Variants in B3GLCT observed in about 807,000 individuals in gnomAD.
B3GLCT encodes beta 3-glucosyltransferase.
B3GLCT carries 65 observed loss-of-function variants against 63.4 expected under a neutral mutation model. That is an observed-to-expected ratio of 1.03 (90% CI 0.84 to 1.26). The LOEUF (loss-of-function observed/expected upper bound fraction) is 1.26. Among genes scored for constraint, B3GLCT ranks in the 50% most tolerant of loss-of-function variants. The pLI, the probability that B3GLCT is intolerant of heterozygous loss-of-function variation, is 0.00. For synonymous variants in B3GLCT, 233 were observed against 219.2 expected, an observed-to-expected ratio of 1.06 and a Z score of -0.55; for missense variants, 577 against 604.8, an observed-to-expected ratio of 0.95 and a Z score of 0.48.
At chr13:31,229,329 G>A (rs1384868694) in intron 4 of B3GLCT, 35 bp downstream of exon 4, 1 of 1,265,868 alleles carries the variant, frequency 7.9e-7, no homozygotes, top group East Asian at 2.3e-5. Context: ...TGCCAGTTAT[G>A]TATTTCTTGA....
At chr13:31,275,223 C>T (rs1455813002) in intron 9 of B3GLCT, among the ~76,000 whole-genome samples, 1 of 152,180 alleles carries the variant, frequency 6.6e-6, no homozygotes, top group Admixed American at 6.5e-5. Context: ...TATATCATGA[C>T]TCTAGTAATA....
chr13:31,206,393 C>T (rs1048198688), intron 1 of B3GLCT, among the ~76,000 whole-genome samples: 7 of 152,040 alleles, frequency 4.6e-5, no homozygotes, highest in Non-Finnish European at 7.4e-5. Flanking sequence ...ACCATAGGCC[C>T]GGATATAAAC....
chr13:31,323,607 T>A (rs9574138), intron 13 of B3GLCT, 144 bp from the exon 14 acceptor site: 2 of 903,000 alleles, frequency 2.2e-6, no homozygotes, highest in East Asian at 2.4e-5. Context: ...ACAGGTAGGG[T>A]TTTACCTAGA....
intron 8 of B3GLCT, 99 bp from the exon 9 acceptor site, chr13:31,274,410 T>A (rs1297296442): frequency 6.8e-7 from 1 of 1,476,120 alleles, no homozygotes; most frequent in East Asian, 2.3e-5. Flanking sequence ...CTACTCTCTA[T>A]GGAAGATGTG....
intron 1 of B3GLCT, among the ~76,000 whole-genome samples, chr13:31,209,947 C>T (rs1052414335): frequency 6.6e-6 from 1 of 152,192 alleles, no homozygotes; most frequent in Non-Finnish European, 1.5e-5. Context: ...AATCATCTTT[C>T]CTGCGTGGGA....
chr13:31,259,838 T>C (rs1395348809), intron 6 of B3GLCT, among the ~76,000 whole-genome samples: 1 of 151,964 alleles, frequency 6.6e-6, no homozygotes, highest in African/African-American at 2.4e-5. Flanking sequence ...TTTTTTTTAA[T>C]TTTATTATTA....
chr13:31,266,249 T>C lies in B3GLCT; in HGVS notation c.597-2965T>C, dbSNP rs149446259. On this transcript the variant is annotated intron_variant, in intron 7 of 14. Transcript: ENST00000343307. ...TCCTGACCTCATGTTTTGCCCGCCTTGGCCTCCCAACCTCGTGATCCGCCC... is the reference window on the plus strand; with the variant it reads ...TCCTGACCTCATGTTTTGCCCGCCTCGGCCTCCCAACCTCGTGATCCGCCC... 8.2e-3 allele frequency among the ~76,000 whole-genome samples: 1,247 copies of C among 152,102 alleles called. 15 individuals are homozygous for C. Among genetic ancestry groups the C allele is most frequent in the African/African-American group, 0.026 (1,085 of 41,518 alleles).
intron 4 of B3GLCT, among the ~76,000 whole-genome samples, chr13:31,236,051 C>T (rs1593263547): frequency 2.0e-5 from 3 of 152,212 alleles, no homozygotes; most frequent in Non-Finnish European, 4.4e-5. Context: ...CTTGGATGCT[C>T]ATTTGGCATT....
rs1330896629 is a variant in B3GLCT, at chr13:31,229,296, T to A, written c.270+2T>A. The A allele has an allele frequency of 6.4e-7, 1 of 1,551,398 alleles. No homozygotes were observed. The highest frequency in any genetic ancestry group is 8.9e-7 in the Non-Finnish European group (1 of 1,122,696). ...AAGCAGGCTGCAGATCTTACACAGG[T>A]ACGTAGCGATGGCTGGGGGGTCTGC... On this transcript the variant is annotated splice_donor_variant, in intron 4 of 14. Coordinates refer to ENST00000343307, the MANE Select transcript of B3GLCT (RefSeq NM_194318.4). LOFTEE classifies it high-confidence loss of function.
Position 31,213,122 on chromosome 13 carries a change from G to A in B3GLCT, c.71-1929G>A, listed in dbSNP as rs189962271. ...AAAATAAAGGTGAGGGGCACTAAAC[G>A]TCTTTGTTCTACTGGGTAGGCGCTG... On this transcript the variant is annotated intron_variant, in intron 1 of 14. Coordinates refer to ENST00000343307, the MANE Select transcript of B3GLCT (RefSeq NM_194318.4). 6.6e-5 allele frequency among the ~76,000 whole-genome samples: 10 copies of A among 152,318 alleles called. No homozygotes were observed. In the East Asian group the frequency reaches 1.7e-3, roughly 26 times the overall value.
intron 14 of B3GLCT, among the ~76,000 whole-genome samples, chr13:31,325,091 A>G (rs148571673): frequency 6.6e-6 from 1 of 152,216 alleles, no homozygotes; most frequent in South Asian, 2.1e-4. Flanking sequence ...TATACTATAG[A>G]AAACAACTCG....
chr13:31,323,627 C>A, intron 13 of B3GLCT, 124 bp from the exon 14 acceptor site: 1 of 1,107,794 alleles, frequency 9.0e-7, no homozygotes, highest in Non-Finnish European at 1.4e-6. Flanking sequence ...AGCTCAGTAA[C>A]TAGAGAAAGC....
At chr13:31,227,890 C>T (rs980380351) in intron 3 of B3GLCT, among the ~76,000 whole-genome samples, 9 of 152,360 alleles carry the variant, frequency 5.9e-5, no homozygotes, top group East Asian at 1.9e-4. Flanking sequence ...CTAGAATTTA[C>T]GTGGCACCTT....
intron 12 of B3GLCT, among the ~76,000 whole-genome samples, chr13:31,301,929 T>TTA (rs1555254247): frequency 2.0e-5 from 3 of 152,250 alleles, no homozygotes; most frequent in Non-Finnish European, 4.4e-5. Flanking sequence ...CACCTAAATA[T>TTA]GTCCACCCTC....
At chr13:31,302,125 T>C (rs1280661693) in intron 12 of B3GLCT, among the ~76,000 whole-genome samples, 1 of 152,234 alleles carries the variant, frequency 6.6e-6, no homozygotes, top group Non-Finnish European at 1.5e-5. Flanking sequence ...TTTATTAGCA[T>C]CTGTAAGACC....
intron 4 of B3GLCT, among the ~76,000 whole-genome samples, chr13:31,244,615 G>T (rs1871110677): frequency 6.6e-6 from 1 of 152,066 alleles, no homozygotes; most frequent in East Asian, 1.9e-4. Context: ...AATCCTAAGT[G>T]GTAGGAACTG....
intron 12 of B3GLCT, among the ~76,000 whole-genome samples, chr13:31,313,340 A>G (rs938843883): frequency 6.6e-6 from 1 of 152,246 alleles, no homozygotes; most frequent in African/African-American, 2.4e-5. Context: ...ACTTTAGCCT[A>G]GAGACTTGTT....
intron 12 of B3GLCT, among the ~76,000 whole-genome samples, chr13:31,297,667 G>T (rs1333721572): frequency 1.3e-5 from 2 of 151,930 alleles, no homozygotes; most frequent in Admixed American, 1.3e-4. Flanking sequence ...CAGTTTGAGG[G>T]CTCAGTCCCC....
At chr13:31,274,744 T>C (rs1872706112) in intron 9 of B3GLCT, 116 bp downstream of exon 9, 2 of 1,330,658 alleles carry the variant, frequency 1.5e-6, no homozygotes. Context: ...ATGTGCAAGT[T>C]GGTTATAAGG....
Sources: allele counts gnomAD v4.1 joint callset (sites outside exome capture counted in the v4.1 genomes callset), GRCh38; gene constraint gnomAD v4.1.1; transcripts MANE v1.5; gene names NCBI Gene and HGNC (gene_info 2026-07-23, HGNC 2026-07-21).